The following PCCA variants were observed in gnomAD, a reference collection of about 807,000 sequenced individuals.
PCCA encodes propionyl-CoA carboxylase alpha chain, mitochondrial.
Under a neutral mutation model 101.3 loss-of-function variants are expected in PCCA, and 74 were observed. The ratio of observed to expected loss-of-function variants is 0.73; its 90% CI spans 0.61 to 0.89. The LOEUF is 0.89. Among genes scored for constraint, PCCA ranks in the 40% least tolerant of loss-of-function variants. The probability of loss-of-function intolerance (pLI) is 0.00; values close to 1 mark genes in which losing one functional copy is unlikely to be tolerated. For missense variants in PCCA, 891 were observed against 907.0 expected (o/e 0.98, Z 0.23); for synonymous variants, 294 against 313.6 (o/e 0.94, Z 0.66).
At chr13:100,301,250 T>C (rs1419830746) in intron 12 of PCCA, among the ~76,000 whole-genome samples, 1 of 152,206 alleles carries the variant, frequency 6.6e-6, no homozygotes, top group Admixed American at 6.5e-5. Context: ...AGTTTACAAA[T>C]ACTTTTAGGC....
intron 12 of PCCA, among the ~76,000 whole-genome samples, chr13:100,279,187 T>C (rs1051131346): frequency 1.3e-5 from 2 of 152,220 alleles, no homozygotes; most frequent in African/African-American, 2.4e-5. Context: ...TTAAGCGTGC[T>C]ATTTTAATAG....
intron 21 of PCCA, among the ~76,000 whole-genome samples, chr13:100,472,836 C>G (rs1197553995): frequency 6.6e-6 from 1 of 150,840 alleles, no homozygotes; most frequent in Non-Finnish European, 1.5e-5. Flanking sequence ...CTTTCTGGGT[C>G]TGTAAGTCCC....
At position 100,146,096 on chromosome 13, in the gene PCCA, C is replaced by T. The variant is rs368716067; in HGVS notation, c.301-8883C>T. Among the ~76,000 whole-genome samples, 3 of 150,454 alleles carry T rather than the reference C, an allele frequency of 2.0e-5. No individual in the cohort carries two copies. The East Asian group carries it at 6.3e-4, about 31-fold the overall frequency. ...CTGGGACCATAGATATGCGCCACCA[C>T]ACTCGGCTAATTTTTTGTATTTTTA... On this transcript the variant is annotated intron_variant, in intron 4 of 23. Coordinates refer to ENST00000376285, the MANE Select transcript of PCCA (RefSeq NM_000282.4).
intron 6 of PCCA, among the ~76,000 whole-genome samples, chr13:100,188,276 A>G (rs2057453455): frequency 6.8e-6 from 1 of 147,248 alleles, no homozygotes; most frequent in Non-Finnish European, 1.5e-5. Context: ...CTGGCGACAG[A>G]GCAAGACTCT....
intron 20 of PCCA, among the ~76,000 whole-genome samples, chr13:100,447,774 A>G (rs1468612100): frequency 3.9e-5 from 6 of 152,078 alleles, no homozygotes; most frequent in Non-Finnish European, 7.4e-5. Flanking sequence ...CTAGATTACC[A>G]TTGTGTCAAT....
In PCCA at chr13:100,530,212, G is replaced by T. The variant is rs367819938; in HGVS notation, c.*46G>T. 1.8e-5 allele frequency: 26 copies of T among 1,416,118 alleles called. No individual in the cohort carries two copies. Among genetic ancestry groups the T allele is most frequent in the Non-Finnish European group, 2.6e-5 (26 of 1,000,234 alleles). 87.7% of individuals were successfully genotyped at this position (1,416,118 alleles called of 1,614,324 possible). A position where few individuals can be genotyped will look rare whatever the true frequency, so the allele number is the denominator to read the frequency against. On this transcript the variant is annotated 3_prime_UTR_variant, in exon 24 of 24. Transcript: ENST00000376285. ...CATCACCCAATTTAATTAGCCATTT[G>T]CATGATGCTTTCACACACAATTGAT...
chr13:100,360,045 G>C lies in PCCA; in HGVS notation c.1644-8427G>C, dbSNP rs550068397. 4.6e-5 allele frequency among the ~76,000 whole-genome samples: 7 copies of C among 152,304 alleles called. No individual in the cohort carries two copies. The South Asian group carries it at 1.2e-3, about 27-fold the overall frequency. The stretch of plus-strand genomic sequence containing the variant: ...ACCTGAGACTGGACAGTTTACAAAA[G>C]AAAGAGGTTTAATTGAACTTACAGT... On this transcript the variant is annotated intron_variant, in intron 18 of 23. Coordinates refer to ENST00000376285, the MANE Select transcript of PCCA (RefSeq NM_000282.4).
At chr13:100,466,029 G>A (rs2082490783) in intron 21 of PCCA, 1 of 152,252 alleles carries the variant, frequency 6.6e-6, no homozygotes, top group African/African-American at 2.4e-5. Context: ...AGTCTAGTTT[G>A]TGTGATTGCA....
At position 100,449,320 on chromosome 13, in the gene PCCA, A is replaced by T. The variant is rs1595942350; in HGVS notation, c.1899+15A>T. 1 of 1,434,220 alleles carries T rather than the reference A, an allele frequency of 7.0e-7. No homozygotes were observed. Among genetic ancestry groups the T allele is most frequent in the East Asian group, 2.5e-5 (1 of 40,210 alleles). The allele number at this position is 1,434,220 out of a possible 1,614,324, so 88.8% of individuals were successfully genotyped here. ...TTGGTACAGTGGTAAGTATGAAATCATTCTTTATTCTCTTAATTTACAGAG... is the reference window on the plus strand; with the variant it reads ...TTGGTACAGTGGTAAGTATGAAATCTTTCTTTATTCTCTTAATTTACAGAG... On this transcript the variant is annotated intron_variant, in intron 21 of 23. Transcript: ENST00000376285.
At chr13:100,262,604 C>A in intron 9 of PCCA, 125 bp from the exon 10 acceptor site, 2 of 673,326 alleles carry the variant, frequency 3.0e-6, no homozygotes, top group East Asian at 2.5e-5. Flanking sequence ...AATATTTAAT[C>A]GATTGTGTTT....
chr13:100,382,159 C>A (rs766196083), intron 19 of PCCA, among the ~76,000 whole-genome samples: 1 of 152,156 alleles, frequency 6.6e-6, no homozygotes, highest in Admixed American at 6.5e-5. Context: ...GTCACACGAA[C>A]TAATTGAAGG....
chr13:100,221,746 A>ATT (rs3034654), intron 7 of PCCA, among the ~76,000 whole-genome samples: 35,700 of 121,412 alleles, frequency 0.29, 6,014 homozygotes, highest in East Asian at 0.65. Context: ...TCCCTGGGAA[A>ATT]TTTTTTTTTT....
intron 11 of PCCA, among the ~76,000 whole-genome samples, chr13:100,271,295 T>C (rs1404435680): frequency 1.3e-5 from 2 of 152,262 alleles, no homozygotes; most frequent in African/African-American, 4.8e-5. Context: ...AACTATATTA[T>C]AGATAATTCA....
At chr13:100,492,426 G>A (rs910312234) in intron 21 of PCCA, among the ~76,000 whole-genome samples, 3 of 152,066 alleles carry the variant, frequency 2.0e-5, no homozygotes, top group African/African-American at 7.2e-5. Context: ...GAGCCGCCGA[G>A]CCCGGTGGAC....
intron 19 of PCCA, among the ~76,000 whole-genome samples, chr13:100,401,048 G>A (rs1041519431): frequency 6.6e-6 from 1 of 152,078 alleles, no homozygotes; most frequent in Non-Finnish European, 1.5e-5. Context: ...CTTTGACTAA[G>A]GAGAGGAAGA....
chr13:100,470,034 T>C (rs2082875954), intron 21 of PCCA, among the ~76,000 whole-genome samples: 1 of 152,174 alleles, frequency 6.6e-6, no homozygotes, highest in African/African-American at 2.4e-5. Flanking sequence ...ACACAGTGGT[T>C]GCGGAGCACC....
intron 12 of PCCA, among the ~76,000 whole-genome samples, chr13:100,278,145 C>G (rs2063799234): frequency 6.6e-6 from 1 of 152,112 alleles, no homozygotes; most frequent in African/African-American, 2.4e-5. Context: ...TAAAATGTAT[C>G]TTTATAACTA....
At chr13:100,181,405 T>G (rs2056766699) in intron 6 of PCCA, among the ~76,000 whole-genome samples, 1 of 152,044 alleles carries the variant, frequency 6.6e-6, no homozygotes, top group Non-Finnish European at 1.5e-5. Flanking sequence ...AGGTATTGGG[T>G]TTTGATTCTT....
At chr13:100,516,753 GTGTGTGTAA>G (rs1234333729) in intron 22 of PCCA, among the ~76,000 whole-genome samples, 8 of 151,092 alleles carry the variant, frequency 5.3e-5, no homozygotes, top group Non-Finnish European at 1.0e-4. Flanking sequence ...GTGTGTGTGT[GTGTGTGTAA>G]TGTGTGTAAA....
Sources: allele counts gnomAD v4.1 joint callset (sites outside exome capture counted in the v4.1 genomes callset), GRCh38; gene constraint gnomAD v4.1.1; transcripts MANE v1.5; gene names NCBI Gene and HGNC (gene_info 2026-07-23, HGNC 2026-07-21).